Variants in XIRP2 observed in about 807,000 individuals in gnomAD.
XIRP2 encodes xin actin-binding repeat-containing protein 2.
Under a neutral mutation model 277.0 loss-of-function variants are expected in XIRP2, and 236 were observed. That is an observed-to-expected ratio of 0.85 (90% CI 0.77 to 0.95). The LOEUF is 0.95. XIRP2 is among the 40% of genes least tolerant of loss of function. The pLI is 0.00. For synonymous variants in XIRP2, 1,490 were observed against 1,416.5 expected (o/e 1.05, Z -1.17); for missense variants, 4,640 against 4,157.5 (o/e 1.12, Z -3.19).
At chr2:167,029,691 G>A (rs184533741) in intron 2 of XIRP2, among the ~76,000 whole-genome samples, 182 of 152,220 alleles carry the variant, frequency 1.2e-3, no homozygotes, top group African/African-American at 4.1e-3. Flanking sequence ...TCTCTACCAG[G>A]TTTTGGTATC....
intron 4 of XIRP2, among the ~76,000 whole-genome samples, chr2:167,214,083 GAAGA>G (rs1271698974): frequency 0.058 from 5,192 of 89,898 alleles, 568 homozygotes; most frequent in African/African-American, 0.11. Context: ...AGGAAGGAAG[GAAGA>G]AAGAAAGAAG....
At chr2:167,066,515 G>A (rs1558967058) in intron 2 of XIRP2, among the ~76,000 whole-genome samples, 1 of 152,032 alleles carries the variant, frequency 6.6e-6, no homozygotes, top group Non-Finnish European at 1.5e-5. Context: ...CCTGTACACT[G>A]CTGGTGGAAA....
intron 3 of XIRP2, among the ~76,000 whole-genome samples, chr2:167,209,648 A>C (rs114841286): frequency 6.6e-6 from 1 of 152,072 alleles, no homozygotes; most frequent in African/African-American, 2.4e-5. Flanking sequence ...ACATGTATAC[A>C]TACCTATAAC....
intron 2 of XIRP2, among the ~76,000 whole-genome samples, chr2:166,974,662 G>A (rs1033523613): frequency 7.2e-5 from 11 of 151,900 alleles, no homozygotes; most frequent in Non-Finnish European, 1.5e-4. Flanking sequence ...AGAGTTAAAA[G>A]GAGTTAAAAC....
rs768669407 is a variant in XIRP2, at chr2:167,246,564, A to G, written c.5172A>G (p.Thr1724=). The G allele has an allele frequency of 6.2e-7, 1 of 1,613,832 alleles. No individual in the cohort carries two copies. Among genetic ancestry groups the G allele is most frequent in the South Asian group, 1.1e-5 (1 of 91,070 alleles). ...CCATTCATAATTTATTGTCTTCCACATCAAACAATAAAATATCTGAAAGGG... is the reference window on the plus strand; with the variant it reads ...CCATTCATAATTTATTGTCTTCCACGTCAAACAATAAAATATCTGAAAGGG... ...KRTIHNLLSS[T]SNNKISERAK... is the part of the protein sequence containing the mutation. The change falls in exon 9 of 11, where the codon ACA becomes ACG. Residue 1724 remains threonine (T), a synonymous_variant. Coordinates refer to ENST00000409195, the MANE Select transcript of XIRP2 (RefSeq NM_152381.6).
At chr2:167,236,457 AT>A (rs1449406660) in intron 5 of XIRP2, among the ~76,000 whole-genome samples, 1 of 152,090 alleles carries the variant, frequency 6.6e-6, no homozygotes, top group Non-Finnish European at 1.5e-5. Flanking sequence ...TGGTTAATAT[AT>A]AAGCTGACAT....
intron 2 of XIRP2, among the ~76,000 whole-genome samples, chr2:167,085,757 G>C (rs1689921605): frequency 6.6e-6 from 1 of 151,940 alleles, no homozygotes; most frequent in African/African-American, 2.4e-5. Context: ...CAGAGACTAG[G>C]ATTGCAACCC....
chr2:167,120,519 A>G (rs915871247), intron 2 of XIRP2, among the ~76,000 whole-genome samples: 2 of 152,192 alleles, frequency 1.3e-5, no homozygotes, highest in African/African-American at 2.4e-5. Flanking sequence ...AATGATCACT[A>G]TGGTATGTCT....
intron 3 of XIRP2, among the ~76,000 whole-genome samples, chr2:167,186,478 G>A (rs1015403885): frequency 6.6e-6 from 1 of 152,096 alleles, no homozygotes; most frequent in African/African-American, 2.4e-5. Flanking sequence ...TTGTCGTTAG[G>A]CCACACCACA....
At chr2:166,937,811 G>T (rs1247448530) in intron 2 of XIRP2, among the ~76,000 whole-genome samples, 1 of 152,060 alleles carries the variant, frequency 6.6e-6, no homozygotes, top group Non-Finnish European at 1.5e-5. Context: ...ACTTATTCCT[G>T]GTTTAGTGTT....
intron 2 of XIRP2, among the ~76,000 whole-genome samples, chr2:166,967,822 G>A (rs1294797666): frequency 1.3e-5 from 2 of 151,886 alleles, no homozygotes; most frequent in East Asian, 1.9e-4. Context: ...GATTATTCTA[G>A]TTCCCCACCT....
chr2:167,077,604 A>G (rs1689605164), intron 2 of XIRP2, among the ~76,000 whole-genome samples: 1 of 152,240 alleles, frequency 6.6e-6, no homozygotes, highest in Non-Finnish European at 1.5e-5. Flanking sequence ...CAGGAAGGTC[A>G]CTGAAACATC....
At chr2:167,017,701 T>C (rs1462287746) in intron 2 of XIRP2, among the ~76,000 whole-genome samples, 2 of 151,894 alleles carry the variant, frequency 1.3e-5, no homozygotes, top group South Asian at 2.1e-4. Context: ...TTATTGGGGA[T>C]AAAAAGCACA....
intron 3 of XIRP2, among the ~76,000 whole-genome samples, chr2:167,208,555 G>A (rs908557092): frequency 2.6e-5 from 4 of 152,228 alleles, no homozygotes; most frequent in Non-Finnish European, 5.9e-5. Context: ...TGATCTGCCC[G>A]TCTCGGCCTC....
chr2:167,192,877 C>T (rs1210368070), intron 3 of XIRP2, among the ~76,000 whole-genome samples: 1 of 152,162 alleles, frequency 6.6e-6, no homozygotes, highest in Non-Finnish European at 1.5e-5. Context: ...TCAGTTTGCT[C>T]AGAGCGAGCA....
intron 2 of XIRP2, among the ~76,000 whole-genome samples, chr2:166,908,491 G>A (rs1456235959): frequency 1.3e-5 from 2 of 152,112 alleles, no homozygotes; most frequent in Admixed American, 6.6e-5. Flanking sequence ...GTTTGTTTGA[G>A]TTCTTTGTAG....
At chr2:167,213,567 T>C (rs986630286) in intron 4 of XIRP2, among the ~76,000 whole-genome samples, 1 of 152,154 alleles carries the variant, frequency 6.6e-6, no homozygotes, top group African/African-American at 2.4e-5. Context: ...AGCCAAATAA[T>C]AAGAAACACA....
intron 3 of XIRP2, among the ~76,000 whole-genome samples, chr2:167,153,559 TC>T (rs886533389): frequency 1.8e-4 from 26 of 143,578 alleles, no homozygotes; most frequent in African/African-American, 5.8e-4. Flanking sequence ...CCCTCCCCAC[TC>T]CCCCCACCCC....
At chr2:167,090,361 A>G (rs1690104889) in intron 2 of XIRP2, among the ~76,000 whole-genome samples, 2 of 152,234 alleles carry the variant, frequency 1.3e-5, no homozygotes, top group African/African-American at 4.8e-5. Context: ...TATTTTAAGC[A>G]GTCTCTTTAA....
Sources: allele counts gnomAD v4.1 joint callset (sites outside exome capture counted in the v4.1 genomes callset), GRCh38; gene constraint gnomAD v4.1.1; transcripts MANE v1.5; gene names NCBI Gene and HGNC (gene_info 2026-07-23, HGNC 2026-07-21).